The following GPC5 variants were observed in gnomAD, a reference collection of about 807,000 sequenced individuals.
GPC5 encodes glypican 5.
A neutral mutation model predicts 53.9 loss-of-function variants in GPC5; 47 were observed. That is an observed-to-expected ratio of 0.87 (90% CI 0.69 to 1.11). The LOEUF (loss-of-function observed/expected upper bound fraction) is 1.11. Ranked by LOEUF, GPC5 falls within the 50% of genes most tolerant of loss-of-function variation. GPC5 has a pLI of 0.00. For synonymous variants in GPC5, 286 were observed against 263.3 expected, an observed-to-expected ratio of 1.09 and a Z score of -0.84; for missense variants, 748 against 713.1, an observed-to-expected ratio of 1.05 and a Z score of -0.56.
At position 92,363,581 on chromosome 13, in the gene GPC5, G is replaced by A. The variant is rs1429915244; in HGVS notation, c.1561+218592G>A. 2.0e-5 allele frequency among the ~76,000 whole-genome samples: 3 copies of A among 151,776 alleles called. No homozygotes were observed. In the East Asian group the frequency reaches 5.8e-4, roughly 29 times the overall value. ...TGAGGTGGAGAGCTCAGTGGATAATGCTTGCTTGTCTGCTGCTCACCTCCT... is the reference window on the plus strand; with the variant it reads ...TGAGGTGGAGAGCTCAGTGGATAATACTTGCTTGTCTGCTGCTCACCTCCT... On this transcript the variant is annotated intron_variant, in intron 7 of 7. Coordinates refer to ENST00000377067, the MANE Select transcript of GPC5 (RefSeq NM_004466.6).
intron 1 of GPC5, among the ~76,000 whole-genome samples, chr13:91,421,085 T>C (rs1221555135): frequency 6.6e-6 from 1 of 152,208 alleles, no homozygotes; most frequent in Non-Finnish European, 1.5e-5. Flanking sequence ...AATTATGCTA[T>C]CAGGAGCATA....
intron 5 of GPC5, among the ~76,000 whole-genome samples, chr13:91,864,904 T>TC (rs1226591765): frequency 6.0e-5 from 9 of 150,066 alleles, no homozygotes; most frequent in African/African-American, 1.7e-4. Flanking sequence ...TTTCTTTCTT[T>TC]TTTTTTTTTT....
At chr13:92,099,504 A>G (rs2041448756) in intron 6 of GPC5, among the ~76,000 whole-genome samples, 1 of 152,110 alleles carries the variant, frequency 6.6e-6, no homozygotes, top group African/African-American at 2.4e-5. Flanking sequence ...AATCTTTCCC[A>G]AGATTCTGTC....
In GPC5 at chr13:91,398,836, G is replaced by GGAAAACTCTGGTGTCTCAGCTT; in HGVS notation, c.-210_-189dup. ...GAAGAAGACCAGAGGGTGCTCAGCTGGAAAACTCTGGTGTCTCAGCTTAGG... is the reference window on the plus strand; with the variant it reads ...GAAGAAGACCAGAGGGTGCTCAGCTGGAAAACTCTGGTGTCTCAGCTTGAAAACTCTGGTGTCTCAGCTTAGG... On this transcript the variant is annotated 5_prime_UTR_variant, in exon 1 of 8. Transcript: ENST00000377067. 11 of 533,992 alleles carry GGAAAACTCTGGTGTCTCAGCTT rather than the reference G, an allele frequency of 2.1e-5. No individual in the cohort carries two copies. The South Asian group carries it at 3.0e-4, about 15-fold the overall frequency. The allele number at this position is 533,992 out of a possible 1,614,324, so 33.1% of individuals were successfully genotyped here.
At chr13:92,282,151 T>TTGAAGATCAAA (rs1462406543) in intron 7 of GPC5, among the ~76,000 whole-genome samples, 1 of 152,126 alleles carries the variant, frequency 6.6e-6, no homozygotes, top group African/African-American at 2.4e-5. Context: ...GTATCAGTAA[T>TTGAAGATCAAA]TGAAGATCAA....
chr13:92,017,592 A>G (rs2040718130), intron 6 of GPC5, among the ~76,000 whole-genome samples: 1 of 152,058 alleles, frequency 6.6e-6, no homozygotes, highest in East Asian at 1.9e-4. Context: ...TAATATTATA[A>G]GATGTTGAAC....
rs1417517349 is a variant in GPC5 at position 92,074,141 on chromosome 13, T to C, written c.1402-70689T>C. Among the ~76,000 whole-genome samples, 4 of 152,248 alleles carry C rather than the reference T, an allele frequency of 2.6e-5. No individual in the cohort carries two copies. The East Asian group carries it at 7.7e-4, about 29-fold the overall frequency. On this transcript the variant is annotated intron_variant, in intron 6 of 7. Coordinates refer to ENST00000377067, the MANE Select transcript of GPC5 (RefSeq NM_004466.6). ...AGTGAATACATTGAGGACACAAGTTTTGTGAACAGTGGGAGCAGAAGCCAA... is the reference window on the plus strand; with the variant it reads ...AGTGAATACATTGAGGACACAAGTTCTGTGAACAGTGGGAGCAGAAGCCAA...
At chr13:92,611,248 A>G (rs1398906461) in intron 7 of GPC5, among the ~76,000 whole-genome samples, 1 of 152,180 alleles carries the variant, frequency 6.6e-6, no homozygotes, top group East Asian at 1.9e-4. Context: ...AATTAATTGC[A>G]TCAGACTTAT....
intron 6 of GPC5, among the ~76,000 whole-genome samples, chr13:92,131,449 T>C (rs2138962266): frequency 6.6e-6 from 1 of 152,130 alleles, no homozygotes; most frequent in African/African-American, 2.4e-5. Context: ...GTGAATCATC[T>C]AATAACACAG....
At chr13:91,845,769 A>G (rs145464197) in intron 5 of GPC5, among the ~76,000 whole-genome samples, 1 of 152,312 alleles carries the variant, frequency 6.6e-6, no homozygotes, top group Non-Finnish European at 1.5e-5. Flanking sequence ...AACTTAACCT[A>G]ATAATAACCC....
chr13:91,498,940 C>A (rs1884464016), intron 2 of GPC5, among the ~76,000 whole-genome samples: 1 of 150,870 alleles, frequency 6.6e-6, no homozygotes, highest in Non-Finnish European at 1.5e-5. Context: ...CACTGCACTC[C>A]AGCCTGGGGA....
intron 5 of GPC5, among the ~76,000 whole-genome samples, chr13:91,890,275 G>C (rs1037495512): frequency 5.9e-5 from 9 of 152,104 alleles, no homozygotes; most frequent in African/African-American, 2.2e-4. Flanking sequence ...CCCCTTCATG[G>C]CCTTCTCCAG....
chr13:91,783,737 C>T (rs568446338), intron 5 of GPC5, among the ~76,000 whole-genome samples: 103 of 152,254 alleles, frequency 6.8e-4, no homozygotes, highest in Admixed American at 9.2e-4. Context: ...CCACTGTGCC[C>T]AGCTATTTTT....
chr13:92,297,379 G>A (rs1297116855), intron 7 of GPC5, among the ~76,000 whole-genome samples: 1 of 144,176 alleles, frequency 6.9e-6, no homozygotes, highest in Non-Finnish European at 1.5e-5. Flanking sequence ...CAAGGTTTGT[G>A]AGTGCACCAA....
At chr13:92,788,664 C>G (rs557987627) in intron 7 of GPC5, among the ~76,000 whole-genome samples, 1 of 152,150 alleles carries the variant, frequency 6.6e-6, no homozygotes, top group South Asian at 2.1e-4. Context: ...GAAATGATAC[C>G]AAATTATGCT....
chr13:92,776,638 AATTTT>A (rs756141082), intron 7 of GPC5, among the ~76,000 whole-genome samples: 4 of 152,098 alleles, frequency 2.6e-5, no homozygotes, highest in East Asian at 1.9e-4. Flanking sequence ...ATATTTTCCA[AATTTT>A]ATTTTATTAT....
At chr13:91,877,076 G>C (rs2039211159) in intron 5 of GPC5, among the ~76,000 whole-genome samples, 1 of 152,226 alleles carries the variant, frequency 6.6e-6, no homozygotes, top group Non-Finnish European at 1.5e-5. Flanking sequence ...TTGAGGTTTG[G>C]GGACCTCTGC....
chr13:92,324,578 G>A (rs192612613), intron 7 of GPC5, among the ~76,000 whole-genome samples: 12 of 151,850 alleles, frequency 7.9e-5, no homozygotes, highest in Admixed American at 6.6e-4. Flanking sequence ...TTAAATGTCT[G>A]GCTGGCATAA....
rs34891050 is a variant in GPC5, at chr13:92,182,890, A to AAAT, written c.1561+37901_1561+37902insAAT. Among the ~76,000 whole-genome samples the AAAT allele has an allele frequency of 1.6e-3, 248 of 151,114 alleles. 4 individuals are homozygous for AAAT. The East Asian group carries it at 0.027, about 17-fold the overall frequency. On this transcript the variant is annotated intron_variant, in intron 7 of 7. Coordinates refer to ENST00000377067, the MANE Select transcript of GPC5 (RefSeq NM_004466.6). ...TCTCAAAAAAAGAAAAAAAAAAAAA[A>AAAT]GTAAACATTTTAACACCTACCCTTG...
Sources: allele counts gnomAD v4.1 joint callset (sites outside exome capture counted in the v4.1 genomes callset), GRCh38; gene constraint gnomAD v4.1.1; transcripts MANE v1.5; gene names NCBI Gene and HGNC (gene_info 2026-07-23, HGNC 2026-07-21).